Variants in CSMD1 observed in about 807,000 individuals in gnomAD.
CSMD1 encodes the protein CUB and Sushi multiple domains 1.
Under a neutral mutation model 417.5 loss-of-function variants are expected in CSMD1, and 213 were observed. The ratio of observed to expected loss-of-function variants is 0.51; its 90% CI spans 0.46 to 0.57. The LOEUF (loss-of-function observed/expected upper bound fraction) is 0.57. Among genes scored for constraint, CSMD1 ranks in the 20% least tolerant of loss-of-function variants. CSMD1 has a pLI of 0.00. For synonymous variants in CSMD1, 2,862 were observed against 1,736.8 expected (o/e 1.65, Z -16.11); for missense variants, 6,923 against 4,529.7 (o/e 1.53, Z -15.17).
intron 5 of CSMD1, among the ~76,000 whole-genome samples, chr8:3,811,054 A>G (rs1161953435): frequency 3.9e-5 from 6 of 152,194 alleles, no homozygotes; most frequent in African/African-American, 1.4e-4. Flanking sequence ...TGAATCTTGA[A>G]TTCTAAAGAG....
At chr8:4,665,917 C>A (rs1804888681) in intron 1 of CSMD1, among the ~76,000 whole-genome samples, 1 of 152,184 alleles carries the variant, frequency 6.6e-6, no homozygotes, top group African/African-American at 2.4e-5. Flanking sequence ...TTTTACTTTA[C>A]AAGAATGACC....
At chr8:4,796,305 A>G (rs180710688) in intron 1 of CSMD1, among the ~76,000 whole-genome samples, 30 of 152,160 alleles carry the variant, frequency 2.0e-4, no homozygotes, top group Non-Finnish European at 4.1e-4. Context: ...CATTCCATGG[A>G]GATGAGATGA....
chr8:4,950,855 C>A (rs1249863209), intron 1 of CSMD1, among the ~76,000 whole-genome samples: 1 of 152,002 alleles, frequency 6.6e-6, no homozygotes, highest in Non-Finnish European at 1.5e-5. Flanking sequence ...TCTTGGTGTA[C>A]CCTACCTTGG....
At chr8:4,211,064 A>T (rs1222674174) in intron 3 of CSMD1, among the ~76,000 whole-genome samples, 1 of 152,212 alleles carries the variant, frequency 6.6e-6, no homozygotes, top group African/African-American at 2.4e-5. Context: ...TCCTTAAGAA[A>T]TTCATGTTCA....
chr8:4,402,315 T>C (rs1004986493), intron 3 of CSMD1, among the ~76,000 whole-genome samples: 14 of 151,998 alleles, frequency 9.2e-5, no homozygotes, highest in Admixed American at 6.6e-4. Flanking sequence ...CTTTCCCTCC[T>C]TCAAATCTAT....
At chr8:3,944,884 T>C (rs960295739) in intron 5 of CSMD1, among the ~76,000 whole-genome samples, 1 of 152,150 alleles carries the variant, frequency 6.6e-6, no homozygotes, top group Admixed American at 6.6e-5. Context: ...TGGGTTGTGT[T>C]TTCTAATTCA....
intron 1 of CSMD1, among the ~76,000 whole-genome samples, chr8:4,949,921 TG>T (rs1353254887): frequency 6.6e-6 from 1 of 152,134 alleles, no homozygotes; most frequent in Non-Finnish European, 1.5e-5. Context: ...TGAGTGTGTG[TG>T]TGTGTGTGTA....
At chr8:4,818,598 G>C (rs558829893) in intron 1 of CSMD1, among the ~76,000 whole-genome samples, 4 of 152,226 alleles carry the variant, frequency 2.6e-5, no homozygotes, top group East Asian at 1.9e-4. Flanking sequence ...CATGTGTCAG[G>C]CCACTTGTCA....
intron 52 of CSMD1, among the ~76,000 whole-genome samples, chr8:3,011,821 A>T (rs941519476): frequency 6.6e-6 from 1 of 152,256 alleles, no homozygotes; most frequent in African/African-American, 2.4e-5. Context: ...CCTAGACCAC[A>T]AACTATAACC....
intron 1 of CSMD1, among the ~76,000 whole-genome samples, chr8:4,827,466 C>G (rs962541112): frequency 6.6e-6 from 1 of 152,072 alleles, no homozygotes; most frequent in African/African-American, 2.4e-5. Flanking sequence ...TTCAGCAAGT[C>G]AAAACAAAGT....
At chr8:3,733,720 C>A (rs923710488) in intron 6 of CSMD1, among the ~76,000 whole-genome samples, 1 of 152,100 alleles carries the variant, frequency 6.6e-6, no homozygotes, top group African/African-American at 2.4e-5. Context: ...GATGGACGCC[C>A]ATGGGGTTGT....
At chr8:3,284,829 G>C (rs764264303) in intron 25 of CSMD1, among the ~76,000 whole-genome samples, 3 of 152,130 alleles carry the variant, frequency 2.0e-5, no homozygotes, top group East Asian at 1.9e-4. Flanking sequence ...ACCTGTGTCT[G>C]AATGGTCTGC....
chr8:4,427,962 G>T (rs540622408), intron 2 of CSMD1, among the ~76,000 whole-genome samples: 68 of 152,178 alleles, frequency 4.5e-4, no homozygotes, highest in African/African-American at 1.6e-3. Flanking sequence ...ATGTTTTTCT[G>T]ACTCCTTGCT....
At chr8:4,267,642 T>C (rs1210608388) in intron 3 of CSMD1, among the ~76,000 whole-genome samples, 5 of 152,016 alleles carry the variant, frequency 3.3e-5, no homozygotes, top group African/African-American at 1.2e-4. Context: ...ATTAAATACA[T>C]ATCTTTGCAT....
chr8:4,881,685 C>G (rs1430100498), intron 1 of CSMD1, among the ~76,000 whole-genome samples: 1 of 151,948 alleles, frequency 6.6e-6, no homozygotes, highest in Non-Finnish European at 1.5e-5. Flanking sequence ...AGGTATTCTG[C>G]AACCTCAGCC....
chr8:4,684,704 T>C (rs748775402), intron 1 of CSMD1, among the ~76,000 whole-genome samples: 3 of 152,166 alleles, frequency 2.0e-5, no homozygotes, highest in Non-Finnish European at 2.9e-5. Flanking sequence ...GCTTTCCCTG[T>C]CTCAGGGAAT....
intron 4 of CSMD1, among the ~76,000 whole-genome samples, chr8:4,027,331 C>G (rs752871054): frequency 2.0e-5 from 3 of 152,274 alleles, no homozygotes; most frequent in African/African-American, 4.8e-5. Context: ...TATGCTTTGG[C>G]TGTGTCCTCA....
At chr8:4,163,466 G>A (rs569369037) in intron 3 of CSMD1, among the ~76,000 whole-genome samples, 1 of 152,214 alleles carries the variant, frequency 6.6e-6, no homozygotes, top group Non-Finnish European at 1.5e-5. Context: ...TAATGTGTGA[G>A]TTACTTTTAT....
At chr8:4,703,865 G>C (rs888863114) in intron 1 of CSMD1, among the ~76,000 whole-genome samples, 1 of 152,138 alleles carries the variant, frequency 6.6e-6, no homozygotes, top group Non-Finnish European at 1.5e-5. Flanking sequence ...TTTTTCCATG[G>C]ACAGCAGGGT....
Sources: allele counts gnomAD v4.1 joint callset (sites outside exome capture counted in the v4.1 genomes callset), GRCh38; gene constraint gnomAD v4.1.1; transcripts MANE v1.5; gene names NCBI Gene and HGNC (gene_info 2026-07-23, HGNC 2026-07-21).